The following NUCB1 variants were observed in gnomAD, a reference collection of about 807,000 sequenced individuals.
NUCB1 encodes nucleobindin-1.
NUCB1 carries 47 observed loss-of-function variants against 61.2 expected under a neutral mutation model. The observed-to-expected ratio is 0.77, with a 90% CI of 0.61 to 0.98. The LOEUF (loss-of-function observed/expected upper bound fraction) is 0.98, where lower values mean the gene tolerates loss of function less well. NUCB1 is among the 50% of genes least tolerant of loss of function. NUCB1 has a pLI of 0.00. For synonymous variants in NUCB1, 234 were observed against 243.1 expected (o/e 0.96, Z 0.35); for missense variants, 583 against 605.3 (o/e 0.96, Z 0.39).
chr19:48,901,708 G>A (rs1466328639), intron 2 of NUCB1, among the ~76,000 whole-genome samples: 1 of 152,222 alleles, frequency 6.6e-6, no homozygotes, highest in African/African-American at 2.4e-5. Context: ...GGTGGAGGTT[G>A]CAGTGAGCCA....
intron 12 of NUCB1, 21 bp from the exon 13 acceptor site, chr19:48,922,297 A>G (rs2037619910): frequency 6.3e-7 from 1 of 1,598,444 alleles, no homozygotes; most frequent in African/African-American, 1.3e-5. Flanking sequence ...CTGTGCCACC[A>G]TTCCCTCCCT....
At chr19:48,901,672 C>T (rs542778284) in intron 2 of NUCB1, among the ~76,000 whole-genome samples, 15 of 152,226 alleles carry the variant, frequency 9.9e-5, no homozygotes, top group African/African-American at 1.2e-4. Flanking sequence ...GGCTGAGGCA[C>T]GAATTCTCGT....
rs369361222 is a variant in NUCB1, at chr19:48,917,184, T to C, written c.758-1542T>C. On this transcript the variant is annotated intron_variant, in intron 7 of 12. Transcript: ENST00000405315. ...GCTTCAGTGAGCTACGATCACACCATTGCACTCCAGCCTGGGTGACAGAGT... is the reference window on the plus strand; with the variant it reads ...GCTTCAGTGAGCTACGATCACACCACTGCACTCCAGCCTGGGTGACAGAGT... Among the ~76,000 whole-genome samples, 22 of 149,172 alleles carry C rather than the reference T, an allele frequency of 1.5e-4. 1 individual carries two copies. In the East Asian group the frequency reaches 3.5e-3, roughly 23 times the overall value.
chr19:48,902,420 C>CT lies in NUCB1; in HGVS notation c.135+1507dup, dbSNP rs58758940. ...CACCTCATTTTTTCTTTTCCTTTTT[C>CT]TTTTTTTTTTTTTTTTTTATTTTTG... On this transcript the variant is annotated intron_variant, in intron 2 of 12. Transcript: ENST00000405315. Among the ~76,000 whole-genome samples, 435 of 130,020 alleles carry CT rather than the reference C, an allele frequency of 3.3e-3. 3 individuals are homozygous for CT. Among genetic ancestry groups the CT allele is most frequent in the Middle Eastern group, 9.5e-3 (2 of 210 alleles). The allele number at this position is 130,020 out of a possible 152,430, so 85.3% of individuals were successfully genotyped here.
Position 48,918,371 on chromosome 19 carries a change from C to T in NUCB1, c.758-355C>T, listed in dbSNP as rs559720433. 2.8e-5 allele frequency: 6 copies of T among 214,308 alleles called. No homozygotes were observed. The East Asian group carries it at 4.6e-4, about 16-fold the overall frequency. 13.3% of individuals were successfully genotyped at this position (214,308 alleles called of 1,614,324 possible). A position where few individuals can be genotyped will look rare whatever the true frequency, so the allele number is the denominator to read the frequency against. ...GAGAGGCTCCCCTCACAACTGGAGT[C>T]GGCACTGGCCTGGTTGTCTGGGAGG... On this transcript the variant is annotated intron_variant, in intron 7 of 12. Coordinates refer to ENST00000405315, the MANE Select transcript of NUCB1 (RefSeq NM_006184.6).
At chr19:48,919,402 G>A (rs2037580993) in intron 10 of NUCB1, 116 bp downstream of exon 10, 1 of 663,276 alleles carries the variant, frequency 1.5e-6, no homozygotes, top group East Asian at 2.7e-5. Flanking sequence ...ATTCTCCTGG[G>A]TCACTGCATC....
chr19:48,921,291 C>T lies in NUCB1; in HGVS notation c.1140C>T (p.Gly380=), dbSNP rs766887086. The change falls in exon 11 of 13, where the codon GGC becomes GGT. Residue 380 remains glycine (G), a synonymous_variant. Coordinates refer to ENST00000405315, the MANE Select transcript of NUCB1 (RefSeq NM_006184.6). ...QETEALGRSQ[G]RLEAQKRELQ... ...CAGAGGCTCTAGGGCGGTCCCAGGG[C>T]CGCCTGGAGGCCCAGAAGAGAGAGC... The T allele has an allele frequency of 2.5e-6, 4 of 1,596,988 alleles. No homozygotes were observed. The East Asian group carries it at 9.1e-5, about 36-fold the overall frequency.
At chr19:48,907,162 G>A (rs1370347993) in intron 4 of NUCB1, among the ~76,000 whole-genome samples, 1 of 151,128 alleles carries the variant, frequency 6.6e-6, no homozygotes, top group Non-Finnish European at 1.5e-5. Flanking sequence ...TTTTAGTAGA[G>A]ACGGAATTTC....
In NUCB1 at chr19:48,913,529, A is replaced by G. The variant is rs769694467; in HGVS notation, c.722A>G (p.Asn241Ser). Residue 241 changes from asparagine to serine, a missense_variant, in exon 7 of 13, where the codon AAC becomes AGC. Asn to Ser is a conservative substitution (Grantham distance 46, BLOSUM62 1). Transcript: ENST00000405315. ...VWEELDGLDPNRFNPKTFFIL... is the reference protein window; with the variant it reads ...VWEELDGLDPSRFNPKTFFIL... ...GAGGAGCTGGATGGACTGGACCCCA[A>G]CAGGTTTAACCCCAAGACCTTCTTC... 2 of 1,614,180 alleles carry G rather than the reference A, an allele frequency of 1.2e-6. No homozygotes were observed. The highest frequency in any genetic ancestry group is 1.7e-5 in the Admixed American group (1 of 60,024).
intron 4 of NUCB1, among the ~76,000 whole-genome samples, chr19:48,907,607 G>T (rs375339749): frequency 6.6e-6 from 1 of 152,084 alleles, no homozygotes; most frequent in Non-Finnish European, 1.5e-5. Flanking sequence ...AATCCCATCC[G>T]CCAGGACCCC....
In NUCB1 at chr19:48,921,808, G is replaced by A. The variant is rs201643373; in HGVS notation, c.1174-19G>A. 90 of 1,608,862 alleles carry A rather than the reference G, an allele frequency of 5.6e-5. No homozygotes were observed. The highest frequency in any genetic ancestry group is 1.1e-5 in the Non-Finnish European group (13 of 1,179,052). ...CAGCATCACACCCTCTTGTCTGTGTGACCCCCCACCTCCCACAGGCTGTGC... is the reference window on the plus strand; with the variant it reads ...CAGCATCACACCCTCTTGTCTGTGTAACCCCCCACCTCCCACAGGCTGTGC... On this transcript the variant is annotated intron_variant, in intron 11 of 12. Coordinates refer to ENST00000405315, the MANE Select transcript of NUCB1 (RefSeq NM_006184.6).
rs2037503487 is a variant in NUCB1 at position 48,913,517 on chromosome 19, G to A, written c.710G>A (p.Gly237Glu). 2 of 1,614,216 alleles carry A rather than the reference G, an allele frequency of 1.2e-6. No individual in the cohort carries two copies. Among genetic ancestry groups the A allele is most frequent in the Non-Finnish European group, 1.7e-6 (2 of 1,180,034 alleles). The change falls in exon 7 of 13, where the codon GGA (glycine) becomes GAA (glutamate). Residue 237 changes from glycine to glutamate, a missense_variant. Coordinates refer to ENST00000405315, the MANE Select transcript of NUCB1 (RefSeq NM_006184.6). Reference protein sequence around the residue: ...QLKEVWEELDGLDPNRFNPKT... With the variant: ...QLKEVWEELDELDPNRFNPKT... ...AAGGAGGTGTGGGAGGAGCTGGATG[G>A]ACTGGACCCCAACAGGTTTAACCCC...
In NUCB1 at chr19:48,913,126, G is replaced by A. The variant is rs3199388; in HGVS notation, c.596G>A (p.Arg199Lys). The stretch of plus-strand genomic sequence containing the variant: ...CTGGAGTCACTGGGAGAGGAGCAGA[G>A]AAAGGAGGCGGAGAGGAAGCTGGAA... ...RYLESLGEEQ[R>K]KEAERKLEEQ... is the part of the protein sequence containing the mutation. Residue 199 changes from arginine to lysine, a missense_variant, in exon 6 of 13, where the codon AGA becomes AAA. Transcript: ENST00000405315. 1 of 1,613,976 alleles carries A rather than the reference G, an allele frequency of 6.2e-7. No individual in the cohort carries two copies.
chr19:48,910,319 G>A (rs188104714), intron 4 of NUCB1, among the ~76,000 whole-genome samples: 12 of 151,006 alleles, frequency 7.9e-5, no homozygotes, highest in African/African-American at 2.4e-4. Context: ...CTTGTGATCC[G>A]CCCCCCTTGG....
At chr19:48,912,067 C>T (rs2037480337) in intron 5 of NUCB1, among the ~76,000 whole-genome samples, 1 of 148,898 alleles carries the variant, frequency 6.7e-6, no homozygotes, top group African/African-American at 2.5e-5. Context: ...CTCTGATGCC[C>T]AGGCTGGAGT....
At chr19:48,901,359 G>C (rs1375899446) in intron 2 of NUCB1, among the ~76,000 whole-genome samples, 1 of 152,142 alleles carries the variant, frequency 6.6e-6, no homozygotes, top group African/African-American at 2.4e-5. Context: ...ATTCCTACAT[G>C]TGTTTATCAA....
intron 1 of NUCB1, 81 bp downstream of exon 1, chr19:48,900,453 G>T (rs182455073): frequency 3.2e-6 from 1 of 316,572 alleles, no homozygotes; most frequent in African/African-American, 2.2e-5. Context: ...CCCGGAGGAG[G>T]ATGCACTGGG....
At chr19:48,907,886 G>A (rs1302656395) in intron 4 of NUCB1, among the ~76,000 whole-genome samples, 1 of 152,174 alleles carries the variant, frequency 6.6e-6, no homozygotes, top group Non-Finnish European at 1.5e-5. Flanking sequence ...GAAATTGCTG[G>A]CGTGCAGCCT....
chr19:48,922,825 A>C lies in NUCB1; in HGVS notation c.*401A>C. 1 of 189,012 alleles carries C rather than the reference A, an allele frequency of 5.3e-6. No homozygotes were observed. The highest frequency in any genetic ancestry group is 1.1e-5 in the Non-Finnish European group (1 of 90,230). The allele number at this position is 189,012 out of a possible 1,614,324, so 11.7% of individuals were successfully genotyped here. Reference sequence around the variant, plus strand: ...ATCCTGTATGCCCACAGCTACTGGAATCCCCGCTGCTGCTCCGGGCCAAGC... The same window carrying C: ...ATCCTGTATGCCCACAGCTACTGGACTCCCCGCTGCTGCTCCGGGCCAAGC... On this transcript the variant is annotated 3_prime_UTR_variant, in exon 13 of 13. Transcript: ENST00000405315.
Sources: gnomAD v4.1 joint callset for allele counts (sites outside exome capture counted in the v4.1 genomes callset) on GRCh38, gnomAD v4.1.1 for gene constraint, MANE v1.5 for transcripts, NCBI Gene and HGNC (gene_info 2026-07-23, HGNC 2026-07-21) for gene names.